The following CCDC158 variants were observed in gnomAD, a reference collection of about 807,000 sequenced individuals.
The protein encoded by CCDC158 is coiled-coil domain-containing protein 158.
In CCDC158, 116 loss-of-function variants were observed where a neutral mutation model predicts 138.6. The ratio of observed to expected loss-of-function variants is 0.84; its 90% CI spans 0.72 to 0.98. CCDC158 has a LOEUF of 0.98. Ranked by LOEUF, CCDC158 falls within the 50% of genes least tolerant of loss-of-function variation. CCDC158 has a pLI of 0.00. For synonymous variants in CCDC158, 436 were observed against 442.4 expected, an observed-to-expected ratio of 0.99 and a Z score of 0.18; for missense variants, 1,265 against 1,306.1, an observed-to-expected ratio of 0.97 and a Z score of 0.48.
intron 2 of CCDC158, among the ~76,000 whole-genome samples, chr4:76,406,939 AGAAAGCACAAGTAG>A (rs1728875344): frequency 1.3e-5 from 2 of 152,124 alleles, no homozygotes; most frequent in African/African-American, 4.8e-5. Context: ...GTGAACTAAA[AGAAAGCACAAGTAG>A]GAAATAATAA....
At chr4:76,375,534 A>G in intron 9 of CCDC158, 1 of 701,694 alleles carries the variant, frequency 1.4e-6, no homozygotes, top group Middle Eastern at 2.3e-4. Context: ...CTTTTTTAAT[A>G]CAAAATTCAG....
At chr4:76,370,670 G>A (rs1170334046) in intron 10 of CCDC158, among the ~76,000 whole-genome samples, 1 of 152,130 alleles carries the variant, frequency 6.6e-6, no homozygotes, top group African/African-American at 2.4e-5. Flanking sequence ...AGGGAGGCCA[G>A]GTTTGAGGAT....
At chr4:76,351,146 A>T (rs747372089) in intron 17 of CCDC158, 25 bp from the exon 18 acceptor site, 1 of 1,580,384 alleles carries the variant, frequency 6.3e-7, no homozygotes, top group Admixed American at 1.9e-5. Flanking sequence ...AGAGGTAAGC[A>T]AAATAACTGC....
intron 2 of CCDC158, among the ~76,000 whole-genome samples, chr4:76,406,271 A>G (rs1426313708): frequency 2.0e-5 from 3 of 152,210 alleles, no homozygotes; most frequent in Non-Finnish European, 1.5e-5. Context: ...TGAAGTTAAA[A>G]GCCACATTGC....
At chr4:76,358,313 C>T (rs997187453) in intron 13 of CCDC158, among the ~76,000 whole-genome samples, 3 of 152,150 alleles carry the variant, frequency 2.0e-5, no homozygotes, top group East Asian at 3.9e-4. Flanking sequence ...TCTTTCCTTC[C>T]ATTCTCACTG....
At chr4:76,389,594 A>C (rs1317730992) in intron 4 of CCDC158, among the ~76,000 whole-genome samples, 1 of 152,210 alleles carries the variant, frequency 6.6e-6, no homozygotes, top group Non-Finnish European at 1.5e-5. Flanking sequence ...GAAAAATACC[A>C]ACATTCAACT....
intron 18 of CCDC158, chr4:76,345,102 G>A (rs1430026637): frequency 8.2e-7 from 1 of 1,222,764 alleles, no homozygotes; most frequent in Non-Finnish European, 1.2e-6. Context: ...TGTTGCCGAT[G>A]TCTATATCCA....
rs1350601252 is a variant in CCDC158, at chr4:76,421,019, G to A, written c.-171C>T. ...GGCCACATCTCCGCGGGGCGCCGGC[G>A]GGCGCAGCGGCCCCACCTACGTCGA... On this transcript the variant is annotated 5_prime_UTR_variant, in exon 1 of 25. Transcript: ENST00000682701. Among the ~76,000 whole-genome samples, 2 of 152,022 alleles carry A rather than the reference G, an allele frequency of 1.3e-5. No homozygotes were observed. The highest frequency in any genetic ancestry group is 1.3e-4 in the Admixed American group (2 of 15,276).
intron 18 of CCDC158, chr4:76,345,161 C>A: frequency 9.8e-7 from 1 of 1,020,966 alleles, no homozygotes; most frequent in Non-Finnish European, 1.6e-6. Context: ...CCACAGTCAT[C>A]AAAAAGTACC....
chr4:76,393,610 A>G (rs981429649), intron 4 of CCDC158, among the ~76,000 whole-genome samples: 4 of 152,130 alleles, frequency 2.6e-5, no homozygotes, highest in African/African-American at 9.7e-5. Context: ...TGCACAAGCA[A>G]CCAATGCAAA....
intron 18 of CCDC158, chr4:76,344,631 G>C: frequency 6.4e-7 from 1 of 1,555,942 alleles, no homozygotes; most frequent in Non-Finnish European, 8.9e-7. Context: ...GAGAGATAAA[G>C]TCAAATTTAC....
intron 9 of CCDC158, chr4:76,375,814 A>G: frequency 1.8e-6 from 1 of 540,868 alleles, no homozygotes. Context: ...GTTCACCAGC[A>G]TAAAATAACT....
At chr4:76,382,125 G>A (rs1041460982) in intron 8 of CCDC158, among the ~76,000 whole-genome samples, 1 of 152,210 alleles carries the variant, frequency 6.6e-6, no homozygotes, top group Non-Finnish European at 1.5e-5. Context: ...TCCCGTGATA[G>A]CGAGTGAGTT....
intron 12 of CCDC158, among the ~76,000 whole-genome samples, chr4:76,366,110 C>A (rs912676151): frequency 3.3e-5 from 5 of 152,186 alleles, no homozygotes; most frequent in Non-Finnish European, 7.3e-5. Flanking sequence ...CACTAGTGAT[C>A]TTCCTAAGCA....
intron 4 of CCDC158, among the ~76,000 whole-genome samples, chr4:76,391,720 G>A (rs1286704559): frequency 1.3e-5 from 2 of 151,626 alleles, no homozygotes; most frequent in African/African-American, 4.8e-5. Context: ...AAAGATCAAT[G>A]AAACAGAATG....
At chr4:76,336,203 A>C (rs1009217771) in intron 18 of CCDC158, among the ~76,000 whole-genome samples, 1 of 150,714 alleles carries the variant, frequency 6.6e-6, no homozygotes, top group Non-Finnish European at 1.5e-5. Context: ...AAAAAAAAAA[A>C]AAAAAACCAT....
At chr4:76,382,337 G>A (rs1413992342) in intron 8 of CCDC158, among the ~76,000 whole-genome samples, 1 of 152,094 alleles carries the variant, frequency 6.6e-6, no homozygotes, top group Non-Finnish European at 1.5e-5. Context: ...CCCAGTCTTG[G>A]TTAGTTCTTT....
At chr4:76,367,891 G>T in intron 11 of CCDC158, 115 bp from the exon 12 acceptor site, 23 of 853,642 alleles carry the variant, frequency 2.7e-5, no homozygotes, top group African/African-American at 4.5e-5. Context: ...TGTTTAGTAA[G>T]ATCTTTTTTT....
At chr4:76,404,700 A>G (rs1358033821) in intron 2 of CCDC158, among the ~76,000 whole-genome samples, 1 of 152,156 alleles carries the variant, frequency 6.6e-6, no homozygotes, top group East Asian at 1.9e-4. Context: ...CAGGAAAGCC[A>G]CCATGAGAAT....
Sources: allele counts gnomAD v4.1 joint callset (sites outside exome capture counted in the v4.1 genomes callset), GRCh38; gene constraint gnomAD v4.1.1; transcripts MANE v1.5; gene names NCBI Gene and HGNC (gene_info 2026-07-23, HGNC 2026-07-21).